Variants in CENPE observed in about 807,000 individuals in gnomAD.
The protein encoded by CENPE is centromere protein E.
Under a neutral mutation model 336.1 loss-of-function variants are expected in CENPE, and 145 were observed. The observed-to-expected ratio is 0.43, with a 90% CI of 0.38 to 0.50. The LOEUF (loss-of-function observed/expected upper bound fraction) is 0.50, where lower values mean the gene tolerates loss of function less well. CENPE is among the 20% of genes least tolerant of loss of function. The probability of loss-of-function intolerance (pLI) is 0.00; values close to 1 mark genes in which losing one functional copy is unlikely to be tolerated. For missense variants in CENPE, 2,719 were observed against 3,023.3 expected, an observed-to-expected ratio of 0.90 and a Z score of 2.36; for synonymous variants, 1,013 against 984.8, an observed-to-expected ratio of 1.03 and a Z score of -0.54.
Position 103,120,245 on chromosome 4 carries a change from A to G in CENPE, c.7232T>C (p.Leu2411Pro), listed in dbSNP as rs777312973. Residue 2411 changes from leucine (L) to proline (P), a missense_variant, in exon 44 of 49, where the codon CTT (leucine) becomes CCT (proline). Leu to Pro is a moderately conservative substitution (Grantham distance 98). This residue lies in a region of CENPE where 2,437 missense variants were observed against 2,513.3 expected (regional missense o/e 0.97). Coordinates refer to ENST00000265148, the MANE Select transcript of CENPE (RefSeq NM_001813.3). ...TGCTATTATGTCATTAGTCACCTCAAGTTCTTTCTGCATCTTTATAATCTT... is the reference window on the plus strand; with the variant it reads ...TGCTATTATGTCATTAGTCACCTCAGGTTCTTTCTGCATCTTTATAATCTT... ...ESKIIKMQKELEVTNDIIAKL... is the reference protein window; with the variant it reads ...ESKIIKMQKEPEVTNDIIAKL... 2.5e-6 allele frequency: 4 copies of G among 1,612,770 alleles called. No individual in the cohort carries two copies. The African/African-American group carries it at 4.0e-5, about 16-fold the overall frequency.
chr4:103,177,713 C>T (rs984953024), intron 13 of CENPE, among the ~76,000 whole-genome samples: 1 of 151,840 alleles, frequency 6.6e-6, no homozygotes, highest in Non-Finnish European at 1.5e-5. Context: ...CGTCACATTG[C>T]CTCTTAAGAT....
chr4:103,149,489 C>A, intron 26 of CENPE, 81 bp from the exon 27 acceptor site: 1 of 1,210,592 alleles, frequency 8.3e-7, no homozygotes, highest in East Asian at 2.4e-5. Context: ...AGCCTTGCCT[C>A]CTATCAGCAT....
intron 1 of CENPE, 31 bp downstream of exon 1, chr4:103,198,233 C>A: frequency 6.5e-7 from 1 of 1,544,990 alleles, no homozygotes; most frequent in Non-Finnish European, 8.7e-7. Flanking sequence ...GCAGGCCCAG[C>A]GGGCACCGGG....
intron 18 of CENPE, among the ~76,000 whole-genome samples, chr4:103,162,313 T>C (rs1173074594): frequency 6.6e-6 from 1 of 150,886 alleles, no homozygotes; most frequent in Non-Finnish European, 1.5e-5. Flanking sequence ...GAAACTGTTA[T>C]CATAAAAAAA....
At chr4:103,195,316 G>A in intron 4 of CENPE, 83 bp from the exon 5 acceptor site, 1 of 1,217,120 alleles carries the variant, frequency 8.2e-7, no homozygotes, top group South Asian at 1.5e-5. Flanking sequence ...TGCTTAAAGA[G>A]GTAAAATGTA....
At position 103,158,611 on chromosome 4, in the gene CENPE, T is replaced by C. The variant is rs765835200; in HGVS notation, c.2874+3A>G. 1.3e-6 allele frequency: 2 copies of C among 1,586,858 alleles called. No homozygotes were observed. Among genetic ancestry groups the C allele is most frequent in the South Asian group, 1.2e-5 (1 of 84,624 alleles). Reference sequence around the variant, plus strand: ...TTCAAAGTTTAATCAATCAAAACCTTACCATGTTAACAGTATCGTGAATAT... The same window carrying C: ...TTCAAAGTTTAATCAATCAAAACCTCACCATGTTAACAGTATCGTGAATAT... On this transcript the variant is annotated splice_donor_region_variant and intron_variant, in intron 23 of 48. Coordinates refer to ENST00000265148, the MANE Select transcript of CENPE (RefSeq NM_001813.3).
intron 16 of CENPE, among the ~76,000 whole-genome samples, chr4:103,168,889 C>A (rs976534568): frequency 6.6e-6 from 1 of 152,196 alleles, no homozygotes; most frequent in Non-Finnish European, 1.5e-5. Flanking sequence ...CTACATTCAT[C>A]TTCAATGTGC....
At chr4:103,169,238 A>C (rs543565657) in intron 16 of CENPE, among the ~76,000 whole-genome samples, 28 of 149,368 alleles carry the variant, frequency 1.9e-4, no homozygotes, top group African/African-American at 6.6e-4. Flanking sequence ...TAAAATATAG[A>C]GTCAGGAGGC....
At chr4:103,113,468 A>G (rs1161454127) in intron 46 of CENPE, among the ~76,000 whole-genome samples, 1 of 141,096 alleles carries the variant, frequency 7.1e-6, no homozygotes, top group Non-Finnish European at 1.5e-5. Flanking sequence ...TATATATAAT[A>G]TATAACTTAT....
intron 15 of CENPE, among the ~76,000 whole-genome samples, chr4:103,175,467 T>C (rs928356711): frequency 5.3e-5 from 8 of 152,056 alleles, no homozygotes; most frequent in African/African-American, 1.9e-4. Context: ...CAATAATAAG[T>C]AGTAATGCAA....
intron 8 of CENPE, among the ~76,000 whole-genome samples, chr4:103,189,012 C>T (rs1433823537): frequency 2.0e-5 from 3 of 152,202 alleles, no homozygotes; most frequent in Non-Finnish European, 4.4e-5. Flanking sequence ...ATACTATAAA[C>T]ACCTCTATGC....
At chr4:103,133,382 AGCAGACCTTACATACATGTTGGGAATT>A (rs1204556122) in intron 41 of CENPE, among the ~76,000 whole-genome samples, 2 of 152,172 alleles carry the variant, frequency 1.3e-5, no homozygotes, top group African/African-American at 2.4e-5. Context: ...CAGTACATAT[AGCAGACCTTACATACATGTTGGGAATT>A]GGATGCCAGC....
intron 40 of CENPE, among the ~76,000 whole-genome samples, chr4:103,135,428 G>A (rs1170554289): frequency 9.9e-5 from 15 of 151,870 alleles, no homozygotes; most frequent in South Asian, 2.1e-4. Flanking sequence ...TACCACTATC[G>A]ACAAACCTGA....
In CENPE at chr4:103,145,137, C is replaced by G. The variant is rs535375422; in HGVS notation, c.4770G>C (p.Lys1590Asn). ...GTACTCTTTTCATTTCCTCTTTTTCCTTAATCATAATTTGTATTTCTTCTT... is the reference window on the plus strand; with the variant it reads ...GTACTCTTTTCATTTCCTCTTTTTCGTTAATCATAATTTGTATTTCTTCTT... ...ESQEEIQIMI[K>N]EKEEMKRVQE... Residue 1590 changes from lysine to asparagine, a missense_variant, in exon 32 of 49, where the codon AAG becomes AAC. By Grantham distance (94) the Lys-to-Asn change is moderately conservative. This residue lies in a region of CENPE where 2,437 missense variants were observed against 2,513.3 expected (regional missense o/e 0.97). Transcript: ENST00000265148. 3 of 1,609,242 alleles carry G rather than the reference C, an allele frequency of 1.9e-6. No individual in the cohort carries two copies. In the Admixed American group the frequency reaches 5.0e-5, roughly 27 times the overall value.
At chr4:103,150,297 A>G (rs924535874) in intron 26 of CENPE, among the ~76,000 whole-genome samples, 1 of 152,144 alleles carries the variant, frequency 6.6e-6, no homozygotes, top group Non-Finnish European at 1.5e-5. Context: ...TAAGAAAAAA[A>G]CAGGCTGGGC....
intron 47 of CENPE, among the ~76,000 whole-genome samples, chr4:103,109,849 T>C (rs192727594): frequency 6.6e-6 from 1 of 152,286 alleles, no homozygotes; most frequent in Admixed American, 6.5e-5. Flanking sequence ...ACATTTAGGA[T>C]ACCACTCCAT....
chr4:103,191,202 C>T lies in CENPE; in HGVS notation c.693+3027G>A, dbSNP rs563452498. ...GAACACTTTTACACTGTTGGTGGGA[C>T]TGTAAACTACTTCAGCCATTGTGGA... On this transcript the variant is annotated intron_variant, in intron 8 of 48. Coordinates refer to ENST00000265148, the MANE Select transcript of CENPE (RefSeq NM_001813.3). Among the ~76,000 whole-genome samples, 12 of 152,170 alleles carry T rather than the reference C, an allele frequency of 7.9e-5. No individual in the cohort carries two copies. The East Asian group carries it at 2.3e-3, about 29-fold the overall frequency.
intron 43 of CENPE, among the ~76,000 whole-genome samples, chr4:103,121,322 C>G (rs1409292500): frequency 6.6e-6 from 1 of 152,024 alleles, no homozygotes; most frequent in African/African-American, 2.4e-5. Flanking sequence ...TAGATCTCTC[C>G]TATTTTTTGT....
chr4:103,180,589 C>T, intron 12 of CENPE, 120 bp from the exon 13 acceptor site: 1 of 627,582 alleles, frequency 1.6e-6, no homozygotes, highest in Non-Finnish European at 2.5e-6. Context: ...TTTAATTTCA[C>T]TGAAATAAAA....
Sources: allele counts gnomAD v4.1 joint callset (sites outside exome capture counted in the v4.1 genomes callset), GRCh38; gene constraint gnomAD v4.1.1; regional missense constraint gnomAD v4.1.1; transcripts MANE v1.5; gene names NCBI Gene and HGNC (gene_info 2026-07-23, HGNC 2026-07-21).